Variants in SUCLG2 observed in about 807,000 individuals in gnomAD.
The protein encoded by SUCLG2 is succinate--CoA ligase [GDP-forming] subunit beta, mitochondrial.
SUCLG2 carries 42 observed loss-of-function variants against 47.9 expected under a neutral mutation model. The ratio of observed to expected loss-of-function variants is 0.88; its 90% CI spans 0.69 to 1.14. SUCLG2 has a LOEUF of 1.14. Among genes scored for constraint, SUCLG2 ranks in the 50% most tolerant of loss-of-function variants. The pLI, the probability that SUCLG2 is intolerant of heterozygous loss-of-function variation, is 0.00. For missense variants in SUCLG2, 571 were observed against 525.9 expected, an observed-to-expected ratio of 1.09 and a Z score of -0.84; for synonymous variants, 195 against 197.3, an observed-to-expected ratio of 0.99 and a Z score of 0.10.
At chr3:67,521,340 G>A (rs2107130320) in intron 4 of SUCLG2, among the ~76,000 whole-genome samples, 1 of 152,232 alleles carries the variant, frequency 6.6e-6, no homozygotes, top group African/African-American at 2.4e-5. Context: ...GGGAATATGT[G>A]GTCATTTGCC....
At chr3:67,457,371 A>C (rs190065553) in intron 9 of SUCLG2, among the ~76,000 whole-genome samples, 185 of 152,322 alleles carry the variant, frequency 1.2e-3, no homozygotes, top group African/African-American at 4.2e-3. Context: ...TTGGTGGGAA[A>C]CATGTGCAGA....
At chr3:67,565,638 C>A (rs184308765) in intron 2 of SUCLG2, among the ~76,000 whole-genome samples, 2 of 152,276 alleles carry the variant, frequency 1.3e-5, no homozygotes, top group African/African-American at 2.4e-5. Flanking sequence ...CTGGTTGCCA[C>A]AATAATTTAT....
chr3:67,617,079 T>C (rs991088633), intron 1 of SUCLG2, among the ~76,000 whole-genome samples: 8 of 152,118 alleles, frequency 5.3e-5, no homozygotes, highest in African/African-American at 1.9e-4. Context: ...TCACGTTACC[T>C]AGGAAATATG....
At chr3:67,484,881 GCA>G (rs2107026714) in intron 9 of SUCLG2, among the ~76,000 whole-genome samples, 1 of 152,320 alleles carries the variant, frequency 6.6e-6, no homozygotes, top group Admixed American at 6.5e-5. Context: ...TGGTGGGAAT[GCA>G]CAGAGAAATC....
At chr3:67,559,445 T>C (rs1461333507) in intron 2 of SUCLG2, among the ~76,000 whole-genome samples, 1 of 152,052 alleles carries the variant, frequency 6.6e-6, no homozygotes, top group Non-Finnish European at 1.5e-5. Flanking sequence ...GAGAGAGAGA[T>C]AGCACAAGGA....
chr3:67,609,836 G>C (rs1302051376), intron 1 of SUCLG2, among the ~76,000 whole-genome samples: 1 of 152,144 alleles, frequency 6.6e-6, no homozygotes, highest in African/African-American at 2.4e-5. Flanking sequence ...TGAAAGCTGA[G>C]TGAGCTCTGT....
At chr3:67,553,421 A>C (rs1707068416) in intron 2 of SUCLG2, among the ~76,000 whole-genome samples, 1 of 152,250 alleles carries the variant, frequency 6.6e-6, no homozygotes, top group Non-Finnish European at 1.5e-5. Context: ...TCAACTTGCA[A>C]ATCTTATCAT....
At chr3:67,453,387 T>A (rs1704104069) in intron 9 of SUCLG2, among the ~76,000 whole-genome samples, 1 of 152,140 alleles carries the variant, frequency 6.6e-6, no homozygotes, top group Non-Finnish European at 1.5e-5. Context: ...GAGGGCCTGT[T>A]TCCTGGATTA....
intron 9 of SUCLG2, among the ~76,000 whole-genome samples, chr3:67,454,273 T>G (rs1704127702): frequency 6.6e-6 from 1 of 152,152 alleles, no homozygotes; most frequent in African/African-American, 2.4e-5. Context: ...GTATATAGAG[T>G]AATTGTTGAA....
chr3:67,370,529 G>A (rs1034463476), downstream of SUCLG2, among the ~76,000 whole-genome samples: 1 of 152,056 alleles, frequency 6.6e-6, no homozygotes, highest in African/African-American at 2.4e-5. Flanking sequence ...TTAATATACA[G>A]GAATCCCCCC....
At chr3:67,456,944 C>G (rs146820961) in intron 9 of SUCLG2, among the ~76,000 whole-genome samples, 8 of 152,196 alleles carry the variant, frequency 5.3e-5, no homozygotes, top group African/African-American at 1.9e-4. Flanking sequence ...CTTCTTTATA[C>G]CTTTATGTAG....
At chr3:67,625,389 A>T (rs1183292981) in intron 1 of SUCLG2, among the ~76,000 whole-genome samples, 3 of 152,128 alleles carry the variant, frequency 2.0e-5, no homozygotes, top group Non-Finnish European at 4.4e-5. Context: ...TCTCTTTTCC[A>T]CCTCGTCCAG....
chr3:67,637,360 A>C (rs531426156), intron 1 of SUCLG2, among the ~76,000 whole-genome samples: 80 of 152,338 alleles, frequency 5.3e-4, no homozygotes, highest in African/African-American at 1.9e-3. Context: ...GAAGATTTCA[A>C]TAAAAAATTA....
downstream of SUCLG2, among the ~76,000 whole-genome samples, chr3:67,374,115 TA>T (rs1435485438): frequency 5.9e-5 from 9 of 152,308 alleles, no homozygotes; most frequent in South Asian, 4.1e-4. Context: ...TAATATAGGT[TA>T]TTTTTTTTAC....
At chr3:67,551,660 C>A (rs1707018099) in intron 2 of SUCLG2, among the ~76,000 whole-genome samples, 1 of 152,146 alleles carries the variant, frequency 6.6e-6, no homozygotes, top group South Asian at 2.1e-4. Flanking sequence ...TTTTGTGGAG[C>A]AGAGTGAGCA....
intron 10 of SUCLG2, among the ~76,000 whole-genome samples, chr3:67,364,328 A>G (rs936319405): frequency 1.2e-4 from 19 of 152,198 alleles, no homozygotes; most frequent in Admixed American, 3.9e-4. Context: ...ACACATGGGG[A>G]GCCTGGCCTT....
chr3:67,521,926 T>G lies in SUCLG2; in HGVS notation c.418-1292A>C, dbSNP rs200667686. Among the ~76,000 whole-genome samples the G allele has an allele frequency of 2.6e-5, 4 of 152,220 alleles. No homozygotes were observed. The East Asian group carries it at 7.7e-4, about 29-fold the overall frequency. ...AAGCCACCACGCCTGGCCTCTTTTT[T>G]AAAATCTTAATACTACAACTTAAAT... On this transcript the variant is annotated intron_variant, in intron 4 of 10. Coordinates refer to ENST00000307227, the MANE Select transcript of SUCLG2 (RefSeq NM_003848.4).
rs192430578 is a variant in SUCLG2 at position 67,558,686 on chromosome 3, G to C, written c.227-29500C>G. Among the ~76,000 whole-genome samples the C allele has an allele frequency of 1.6e-3, 240 of 152,268 alleles. 2 individuals are homozygous for C. The highest frequency in any genetic ancestry group is 5.5e-3 in the African/African-American group (228 of 41,556). ...CCAAAAGGCAGTATCTGAAACACTG[G>C]GGCAATCTGCCCAAGCCAAGGAGAA... On this transcript the variant is annotated intron_variant, in intron 2 of 10. Coordinates refer to ENST00000307227, the MANE Select transcript of SUCLG2 (RefSeq NM_003848.4).
chr3:67,417,372 C>A (rs1298391790), intron 9 of SUCLG2, among the ~76,000 whole-genome samples: 1 of 152,218 alleles, frequency 6.6e-6, no homozygotes, highest in Admixed American at 6.5e-5. Context: ...TGGAACAAAA[C>A]TGCATGTCTG....
Sources: gnomAD v4.1 joint callset for allele counts (sites outside exome capture counted in the v4.1 genomes callset) on GRCh38, gnomAD v4.1.1 for gene constraint, MANE v1.5 for transcripts, NCBI Gene and HGNC (gene_info 2026-07-23, HGNC 2026-07-21) for gene names.